SYTL5: variants seen among roughly 807,000 people sequenced by gnomAD.
SYTL5 encodes the protein synaptotagmin like 5, also known as synaptotagmin-like protein 5.
SYTL5 carries 34 observed loss-of-function variants against 55.9 expected under a neutral mutation model. The ratio of observed to expected loss-of-function variants is 0.61; its 90% CI spans 0.46 to 0.81. The LOEUF (loss-of-function observed/expected upper bound fraction) is 0.81, where lower values mean the gene tolerates loss of function less well. Among genes scored for constraint, SYTL5 ranks in the 30% least tolerant of loss-of-function variants. SYTL5 has a pLI of 0.00. For synonymous variants in SYTL5, 221 were observed against 188.7 expected (o/e 1.17, Z -1.40); for missense variants, 637 against 546.7 (o/e 1.17, Z -1.65).
At chrX:38,071,902 G>T in intron 3 of SYTL5, 145 bp from the exon 4 acceptor site, 1 of 444,912 alleles carries the variant, frequency 2.2e-6, no homozygotes. Flanking sequence ...ATTAATACTG[G>T]CTATTATTAT....
chrX:38,026,305 A>G (rs1221970830), intron 1 of SYTL5, among the ~76,000 whole-genome samples: 2 of 111,458 alleles, frequency 1.8e-5, no homozygotes. Context: ...ACTGCATTCT[A>G]TCTTACTAAA....
At chrX:37,982,143 C>A in the SYTL5 span, among the ~76,000 whole-genome samples, 1 of 111,680 alleles carries the variant, frequency 9.0e-6, no homozygotes, top group African/African-American at 3.3e-5. Context: ...TAAATATCTT[C>A]AAAGGACTAA....
intron 6 of SYTL5, among the ~76,000 whole-genome samples, chrX:38,086,272 G>A (rs1413994765): frequency 9.0e-6 from 1 of 111,179 alleles, no homozygotes; most frequent in African/African-American, 3.3e-5. Context: ...TCCCTAGCTT[G>A]GAACAAACAT....
chrX:38,079,268 G>A (rs1165147287), intron 6 of SYTL5, among the ~76,000 whole-genome samples: 1 of 111,217 alleles, frequency 9.0e-6, no homozygotes, highest in Non-Finnish European at 1.9e-5. Flanking sequence ...GCTGGGCTTC[G>A]GCATTCCTTT....
chrX:38,035,761 G>A (rs1935086167), intron 2 of SYTL5, among the ~76,000 whole-genome samples: 1 of 109,112 alleles, frequency 9.2e-6, no homozygotes, highest in African/African-American at 3.3e-5. Context: ...AGGGCGTGGT[G>A]GTGCACGCCT....
chrX:37,900,721 C>CA, the SYTL5 span, among the ~76,000 whole-genome samples: 1 of 111,578 alleles, frequency 9.0e-6, no homozygotes, highest in African/African-American at 3.3e-5. Flanking sequence ...CTGAAAGCTC[C>CA]AGGGATAATT....
At chrX:37,942,215 A>AT in the SYTL5 span, among the ~76,000 whole-genome samples, 1 of 111,938 alleles carries the variant, frequency 8.9e-6, no homozygotes, top group African/African-American at 3.2e-5. Context: ...ATTTTATGGC[A>AT]TTTTTTCATT....
chrX:38,078,271 T>G (rs1193712021), intron 6 of SYTL5, among the ~76,000 whole-genome samples: 1 of 109,563 alleles, frequency 9.1e-6, no homozygotes, highest in African/African-American at 3.3e-5. Context: ...TTTTTGTTTT[T>G]TTTTTTTGAG....
the SYTL5 span, among the ~76,000 whole-genome samples, chrX:37,889,871 A>G: frequency 2.7e-5 from 3 of 111,823 alleles, no homozygotes; most frequent in East Asian, 8.4e-4. Flanking sequence ...ACATATCACA[A>G]TTATGCTTCA....
the SYTL5 span, among the ~76,000 whole-genome samples, chrX:37,895,174 A>C: frequency 8.9e-6 from 1 of 112,330 alleles, no homozygotes; most frequent in East Asian, 2.8e-4. Flanking sequence ...TTTTTATCAG[A>C]AATGCAAAAT....
the SYTL5 span, chrX:37,939,449 C>G: frequency 9.0e-6 from 1 of 111,495 alleles, no homozygotes; most frequent in East Asian, 2.8e-4. Flanking sequence ...TAGAAATTAT[C>G]TAGAGGAAGA....
intron 1 of SYTL5, among the ~76,000 whole-genome samples, chrX:38,023,634 A>T (rs145113829): frequency 5.4e-4 from 60 of 111,841 alleles, no homozygotes; most frequent in Non-Finnish European, 8.3e-4. Flanking sequence ...CCATGTCAAT[A>T]TATTTATTTT....
chrX:37,933,618 T>A, the SYTL5 span, among the ~76,000 whole-genome samples: 1 of 112,033 alleles, frequency 8.9e-6, no homozygotes, highest in Non-Finnish European at 1.9e-5. Flanking sequence ...TTGTTGAACC[T>A]TGAAGCTGCC....
chrX:37,945,200 GT>G, the SYTL5 span, among the ~76,000 whole-genome samples: 6 of 112,112 alleles, frequency 5.4e-5, no homozygotes, highest in African/African-American at 1.9e-4. Flanking sequence ...CATGGAGCAA[GT>G]TTGTTGAGGG....
chrX:37,910,847 G>T, the SYTL5 span, among the ~76,000 whole-genome samples: 1 of 111,780 alleles, frequency 8.9e-6, no homozygotes, highest in Non-Finnish European at 1.9e-5. Context: ...CTGGTGTAGG[G>T]ATGATACATT....
At chrX:37,890,750 T>A in the SYTL5 span, among the ~76,000 whole-genome samples, 1 of 112,385 alleles carries the variant, frequency 8.9e-6, no homozygotes, top group African/African-American at 3.2e-5. Context: ...AAATAGACAT[T>A]TCTCTGAAAA....
At chrX:38,047,782 G>A (rs950094549) in intron 2 of SYTL5, among the ~76,000 whole-genome samples, 3 of 111,777 alleles carry the variant, frequency 2.7e-5, no homozygotes, top group African/African-American at 9.8e-5. Flanking sequence ...CCTCTTGAAT[G>A]CTTTGCTGCT....
At chrX:38,111,190 C>T (rs1937350160) in intron 13 of SYTL5, among the ~76,000 whole-genome samples, 1 of 111,829 alleles carries the variant, frequency 8.9e-6, no homozygotes, top group South Asian at 3.7e-4. Flanking sequence ...GGCAAAAGCA[C>T]ATTATGATGA....
the SYTL5 span, among the ~76,000 whole-genome samples, chrX:37,985,153 G>A: frequency 9.0e-6 from 1 of 111,683 alleles, no homozygotes; most frequent in African/African-American, 3.2e-5. Context: ...ACAAGTAAAA[G>A]CCATCTAGTT....
Sources: gnomAD v4.1 joint callset for allele counts (sites outside exome capture counted in the v4.1 genomes callset) on GRCh38, gnomAD v4.1.1 for gene constraint, MANE v1.5 for transcripts, NCBI Gene and HGNC (gene_info 2026-07-23, HGNC 2026-07-21) for gene names.